ADAMTS12: variants seen among roughly 807,000 people sequenced by gnomAD.
ADAMTS12 encodes A disintegrin and metalloproteinase with thrombospondin motifs 12.
ADAMTS12 carries 118 observed loss-of-function variants against 167.8 expected under a neutral mutation model. That is an observed-to-expected ratio of 0.70 (90% CI 0.61 to 0.82). ADAMTS12 has a LOEUF of 0.82. Among genes scored for constraint, ADAMTS12 ranks in the 40% least tolerant of loss-of-function variants. ADAMTS12 has a pLI of 0.00. For synonymous variants in ADAMTS12, 704 were observed against 716.9 expected, an observed-to-expected ratio of 0.98 and a Z score of 0.29; for missense variants, 1,916 against 1,998.8, an observed-to-expected ratio of 0.96 and a Z score of 0.79.
intron 2 of ADAMTS12, among the ~76,000 whole-genome samples, chr5:33,828,738 G>A (rs1748187834): frequency 6.6e-6 from 1 of 152,150 alleles, no homozygotes; most frequent in African/African-American, 2.4e-5. Context: ...CTAGGCAGAG[G>A]TAAGATGAGA....
intron 12 of ADAMTS12, among the ~76,000 whole-genome samples, chr5:33,634,861 T>C (rs1740115211): frequency 1.3e-5 from 2 of 152,122 alleles, no homozygotes; most frequent in Admixed American, 1.3e-4. Flanking sequence ...TTATATTTTA[T>C]TTTTAAAATT....
chr5:33,643,583 G>T lies in ADAMTS12; in HGVS notation c.1480-113C>A. 6.7e-6 allele frequency: 6 copies of T among 889,270 alleles called. No homozygotes were observed. The South Asian group carries it at 9.2e-5, about 14-fold the overall frequency. 55.1% of individuals were successfully genotyped at this position (889,270 alleles called of 1,614,324 possible). On this transcript the variant is annotated intron_variant, in intron 9 of 23. Coordinates refer to ENST00000504830, the MANE Select transcript of ADAMTS12 (RefSeq NM_030955.4). Reference sequence around the variant, plus strand: ...CACACTCACAATAAATGCCACTGTTGTTAGTGACTAAGAGTGACAGAAAGC... The same window carrying T: ...CACACTCACAATAAATGCCACTGTTTTTAGTGACTAAGAGTGACAGAAAGC...
intron 2 of ADAMTS12, among the ~76,000 whole-genome samples, chr5:33,792,571 GT>G (rs1346011208): frequency 6.6e-6 from 1 of 152,190 alleles, no homozygotes; most frequent in Non-Finnish European, 1.5e-5. Flanking sequence ...TGGCACAAGT[GT>G]TAAGCACAGG....
intron 22 of ADAMTS12, among the ~76,000 whole-genome samples, chr5:33,541,234 A>G (rs1744681578): frequency 6.6e-6 from 1 of 152,242 alleles, no homozygotes; most frequent in African/African-American, 2.4e-5. Flanking sequence ...AAAAAGTGTC[A>G]GTGATTGAAG....
rs1746737591 is a variant in ADAMTS12, at chr5:33,576,643, C to A, written c.3383G>T (p.Gly1128Val). 1.9e-6 allele frequency: 3 copies of A among 1,614,076 alleles called. No individual in the cohort carries two copies. Among genetic ancestry groups the A allele is most frequent in the South Asian group, 1.1e-5 (1 of 91,086 alleles). Residue 1128 changes from glycine to valine, a missense_variant, in exon 19 of 24, where the codon GGC (glycine) becomes GTC (valine). Coordinates refer to ENST00000504830, the MANE Select transcript of ADAMTS12 (RefSeq NM_030955.4). Reference sequence around the variant, plus strand: ...GATAGGGTTGCGGGAAGATGACAAGCCAGAACCACTTGTTGTTGTAGCTAC... The same window carrying A: ...GATAGGGTTGCGGGAAGATGACAAGACAGAACCACTTGTTGTTGTAGCTAC... Reference protein sequence around the residue: ...GLVATTTSGSGLSSSRNPITW... With the variant: ...GLVATTTSGSVLSSSRNPITW...
chr5:33,745,395 T>A (rs1472144516), intron 3 of ADAMTS12, among the ~76,000 whole-genome samples: 2 of 152,186 alleles, frequency 1.3e-5, no homozygotes, highest in African/African-American at 4.8e-5. Flanking sequence ...AACATTTATT[T>A]AGTATTAAGA....
chr5:33,710,932 C>T (rs1246469831), intron 3 of ADAMTS12, among the ~76,000 whole-genome samples: 1 of 152,086 alleles, frequency 6.6e-6, no homozygotes, highest in Admixed American at 6.6e-5. Context: ...GAATGTGGGG[C>T]AAGTGGTCTA....
chr5:33,622,434 T>C (rs1308012333), intron 14 of ADAMTS12, among the ~76,000 whole-genome samples: 1 of 152,146 alleles, frequency 6.6e-6, no homozygotes, highest in Non-Finnish European at 1.5e-5. Context: ...GGTGGGTGGA[T>C]CACGAGGTCA....
At chr5:33,775,835 A>G (rs1745894461) in intron 2 of ADAMTS12, among the ~76,000 whole-genome samples, 2 of 152,194 alleles carry the variant, frequency 1.3e-5, no homozygotes, top group Non-Finnish European at 2.9e-5. Context: ...ATTTGCTGGA[A>G]TAAGAAGGTA....
In ADAMTS12 at chr5:33,851,605, A is replaced by T. The variant is rs538090460; in HGVS notation, c.489+29514T>A. Among the ~76,000 whole-genome samples, 6 of 152,350 alleles carry T rather than the reference A, an allele frequency of 3.9e-5. No individual in the cohort carries two copies. In the South Asian group the frequency reaches 1.2e-3, roughly 32 times the overall value. ...TCTGGTCATTGCCAAAGCAACTGTT[A>T]TCACAACCTTCCAGATAGAAAAGAG... On this transcript the variant is annotated intron_variant, in intron 2 of 23. Transcript: ENST00000504830.
At chr5:33,585,721 G>A (rs1332875441) in intron 18 of ADAMTS12, among the ~76,000 whole-genome samples, 1 of 152,170 alleles carries the variant, frequency 6.6e-6, no homozygotes, top group African/African-American at 2.4e-5. Flanking sequence ...TAAGATTCTT[G>A]GTAAAACCTG....
intron 2 of ADAMTS12, among the ~76,000 whole-genome samples, chr5:33,830,998 T>C (rs950529584): frequency 1.3e-5 from 2 of 152,172 alleles, no homozygotes; most frequent in African/African-American, 4.8e-5. Flanking sequence ...TTTAATTCCA[T>C]TTTCAAAATG....
chr5:33,834,317 G>GT (rs1748426049), intron 2 of ADAMTS12, among the ~76,000 whole-genome samples: 1 of 152,174 alleles, frequency 6.6e-6, no homozygotes, highest in African/African-American at 2.4e-5. Flanking sequence ...GAGTGTTTTA[G>GT]TGGTGGGATG....
At chr5:33,599,349 G>T (rs1429065418) in intron 16 of ADAMTS12, among the ~76,000 whole-genome samples, 1 of 152,168 alleles carries the variant, frequency 6.6e-6, no homozygotes, top group Non-Finnish European at 1.5e-5. Flanking sequence ...GCTTGCTATA[G>T]TCCAACCATG....
intron 18 of ADAMTS12, among the ~76,000 whole-genome samples, chr5:33,585,585 A>G (rs1458817872): frequency 6.6e-6 from 1 of 152,236 alleles, no homozygotes; most frequent in Non-Finnish European, 1.5e-5. Context: ...CTCACAAGGC[A>G]TGTCCCTGAA....
chr5:33,760,681 A>T lies in ADAMTS12; in HGVS notation c.490-9133T>A, dbSNP rs180885778. 3.9e-5 allele frequency among the ~76,000 whole-genome samples: 6 copies of T among 152,368 alleles called. No individual in the cohort carries two copies. The East Asian group carries it at 1.2e-3, about 29-fold the overall frequency. ...CACTGTAGCATCTAAAAAGCTCATC[A>T]GAACTTCTCTCTAACACTGTTCTCA... On this transcript the variant is annotated intron_variant, in intron 2 of 23. Transcript: ENST00000504830.
intron 2 of ADAMTS12, among the ~76,000 whole-genome samples, chr5:33,859,543 G>A (rs1300182560): frequency 6.6e-6 from 1 of 152,174 alleles, no homozygotes; most frequent in Non-Finnish European, 1.5e-5. Context: ...CATCTCCCTG[G>A]GACAGAGCAT....
At chr5:33,746,731 G>A (rs146208433) in intron 3 of ADAMTS12, among the ~76,000 whole-genome samples, 11 of 152,322 alleles carry the variant, frequency 7.2e-5, no homozygotes, top group African/African-American at 1.7e-4. Context: ...GTGTTGCTAG[G>A]AAGGCATTTT....
At chr5:33,642,968 A>G (rs572536557) in intron 10 of ADAMTS12, among the ~76,000 whole-genome samples, 1 of 150,920 alleles carries the variant, frequency 6.6e-6, no homozygotes, top group South Asian at 2.1e-4. Flanking sequence ...TCAGAAGATG[A>G]GAAAGAAGAT....
Sources: gnomAD v4.1 joint callset for allele counts (sites outside exome capture counted in the v4.1 genomes callset) on GRCh38, gnomAD v4.1.1 for gene constraint, MANE v1.5 for transcripts, NCBI Gene and HGNC (gene_info 2026-07-23, HGNC 2026-07-21) for gene names.